Variants in TRAPPC9 observed in about 807,000 individuals in gnomAD.
The protein encoded by TRAPPC9 is IKK2 binding protein.
TRAPPC9 carries 83 observed loss-of-function variants against 124.0 expected under a neutral mutation model. The ratio of observed to expected loss-of-function variants is 0.67; its 90% CI spans 0.56 to 0.80. TRAPPC9 has a LOEUF of 0.80. TRAPPC9 is among the 30% of genes least tolerant of loss of function. The pLI is 0.00. For synonymous variants in TRAPPC9, 638 were observed against 617.5 expected, an observed-to-expected ratio of 1.03 and a Z score of -0.49; for missense variants, 1,302 against 1,508.3, an observed-to-expected ratio of 0.86 and a Z score of 2.27.
rs146743701 is a variant in TRAPPC9, at chr8:139,894,353, C to T, written c.2965-8384G>A. Among the ~76,000 whole-genome samples, 826 of 152,252 alleles carry T rather than the reference C, an allele frequency of 5.4e-3. 12 individuals carry two copies. The highest frequency in any genetic ancestry group is 0.019 in the African/African-American group (785 of 41,552). The stretch of plus-strand genomic sequence containing the variant: ...CAACGAGACCACTGGTCACCGCGCA[C>T]GACTGGGTGATCCTGGGGGGGTGCT... On this transcript the variant is annotated intron_variant, in intron 20 of 22. Coordinates refer to ENST00000438773, the MANE Select transcript of TRAPPC9 (RefSeq NM_001160372.4).
At chr8:140,249,555 C>G (rs113568192) in intron 16 of TRAPPC9, among the ~76,000 whole-genome samples, 46 of 150,420 alleles carry the variant, frequency 3.1e-4, no homozygotes, top group African/African-American at 1.1e-3. Context: ...ATTTTTTTTC[C>G]TTCACCCTAT....
At chr8:139,827,692 A>G (rs2130824090) in intron 21 of TRAPPC9, among the ~76,000 whole-genome samples, 1 of 152,346 alleles carries the variant, frequency 6.6e-6, no homozygotes, top group Non-Finnish European at 1.5e-5. Flanking sequence ...CAGCCAGGAC[A>G]GCAGCAAGAG....
intron 18 of TRAPPC9, among the ~76,000 whole-genome samples, chr8:139,997,259 A>T (rs1364408723): frequency 2.0e-5 from 3 of 152,052 alleles, no homozygotes; most frequent in Admixed American, 6.5e-5. Flanking sequence ...GAGACAATGC[A>T]ACCCTCACAG....
chr8:140,319,468 T>C (rs949578370), intron 9 of TRAPPC9, among the ~76,000 whole-genome samples: 6 of 142,882 alleles, frequency 4.2e-5, no homozygotes, highest in Non-Finnish European at 7.6e-5. Flanking sequence ...TGAGCCACCG[T>C]GCCCGGCCAA....
At chr8:139,922,312 T>C (rs1260190908) in intron 19 of TRAPPC9, among the ~76,000 whole-genome samples, 4 of 152,054 alleles carry the variant, frequency 2.6e-5, no homozygotes, top group African/African-American at 9.7e-5. Flanking sequence ...GCCTCCTGAG[T>C]AGCTGGGACT....
At chr8:140,170,490 C>T (rs1040383527) in intron 17 of TRAPPC9, among the ~76,000 whole-genome samples, 1 of 152,214 alleles carries the variant, frequency 6.6e-6, no homozygotes, top group Non-Finnish European at 1.5e-5. Flanking sequence ...GAATCTGACA[C>T]ATGCCAAGGG....
At chr8:139,957,284 C>T (rs1326555898) in intron 19 of TRAPPC9, among the ~76,000 whole-genome samples, 4 of 152,218 alleles carry the variant, frequency 2.6e-5, no homozygotes, top group Admixed American at 6.5e-5. Flanking sequence ...TTGGGGGACT[C>T]GGGCGACTGA....
At chr8:139,917,204 C>A (rs28681674) in intron 19 of TRAPPC9, among the ~76,000 whole-genome samples, 1 of 116,394 alleles carries the variant, frequency 8.6e-6, no homozygotes, top group Non-Finnish European at 1.6e-5. Flanking sequence ...GACGGAGTCT[C>A]GCTCTGTTGC....
At chr8:140,045,257 C>G (rs115000228) in intron 17 of TRAPPC9, among the ~76,000 whole-genome samples, 1 of 152,152 alleles carries the variant, frequency 6.6e-6, no homozygotes, top group African/African-American at 2.4e-5. Flanking sequence ...CTTGCGTACA[C>G]GAAGCGAGGA....
At chr8:140,414,004 A>G (rs2069808755) in intron 5 of TRAPPC9, among the ~76,000 whole-genome samples, 1 of 152,118 alleles carries the variant, frequency 6.6e-6, no homozygotes, top group Non-Finnish European at 1.5e-5. Flanking sequence ...AGCATGATTT[A>G]TAGTCCTTTG....
At chr8:139,947,082 G>C (rs886434882) in intron 19 of TRAPPC9, among the ~76,000 whole-genome samples, 1 of 152,102 alleles carries the variant, frequency 6.6e-6, no homozygotes, top group Non-Finnish European at 1.5e-5. Context: ...GAAATGAGTT[G>C]GTAATTAAAT....
chr8:140,291,003 A>G lies in TRAPPC9; in HGVS notation c.1844T>C (p.Val615Ala), dbSNP rs755362360. 1 of 1,614,146 alleles carries G rather than the reference A, an allele frequency of 6.2e-7. No individual in the cohort carries two copies. Among genetic ancestry groups the G allele is most frequent in the East Asian group, 2.2e-5 (1 of 44,870 alleles). Residue 615 changes from valine (V) to alanine (A), a missense_variant, in exon 12 of 23, where the codon GTT becomes GCT. Physicochemically the swap from Val to Ala is moderately conservative, Grantham distance 64. Coordinates refer to ENST00000438773, the MANE Select transcript of TRAPPC9 (RefSeq NM_001160372.4). ...VYNPMPFELR[V>A]ENMGLLTSGV... ...ATTGGTGATACATACCATGTTTTCA[A>G]CTCGAAGTTCAAACGGCATTGGGTT... is the stretch of plus-strand genomic sequence containing the variant.
chr8:140,095,881 T>G (rs1373723984), intron 17 of TRAPPC9: 1 of 151,996 alleles, frequency 6.6e-6, no homozygotes, highest in African/African-American at 2.4e-5. Flanking sequence ...CTCTCCGAGG[T>G]GCAGACAACG....
intron 19 of TRAPPC9, among the ~76,000 whole-genome samples, chr8:139,911,501 T>C (rs1831727207): frequency 6.6e-6 from 1 of 152,060 alleles, no homozygotes; most frequent in Admixed American, 6.5e-5. Flanking sequence ...GGTCAGGAGT[T>C]TGAGACCAGC....
At chr8:139,798,649 C>T (rs1257090751) in intron 21 of TRAPPC9, among the ~76,000 whole-genome samples, 3 of 152,168 alleles carry the variant, frequency 2.0e-5, no homozygotes, top group Admixed American at 6.5e-5. Context: ...AGCGTAAATA[C>T]GGTCCCCTGG....
intron 15 of TRAPPC9, among the ~76,000 whole-genome samples, chr8:140,272,123 A>AT (rs796799306): frequency 4.5e-4 from 63 of 141,168 alleles, no homozygotes; most frequent in African/African-American, 1.7e-3. Flanking sequence ...GGCAATGGTG[A>AT]TGGTGGCGAT....
Position 139,910,259 on chromosome 8 carries a change from G to T in TRAPPC9, c.2852C>A (p.Pro951Gln). The T allele has an allele frequency of 1.2e-6, 2 of 1,614,128 alleles. No homozygotes were observed. The highest frequency in any genetic ancestry group is 1.7e-6 in the Non-Finnish European group (2 of 1,180,036). ...TTGCCCCTTCTCCCCAGGGGACTCC[G>T]GGAAACTCTCAAAGTTGAACTTGTC... is the stretch of plus-strand genomic sequence containing the variant. ...QVDKFNFESF[P>Q]ESPGEKGQFA... is the part of the protein sequence containing the mutation. The change falls in exon 20 of 23, where the codon CCG becomes CAG. Residue 951 changes from proline (P) to glutamine (Q), a missense_variant. Pro to Gln is a moderately conservative substitution (Grantham distance 76, BLOSUM62 -1). Transcript: ENST00000438773.
chr8:140,382,345 G>C (rs888655756), intron 7 of TRAPPC9, among the ~76,000 whole-genome samples: 4 of 152,196 alleles, frequency 2.6e-5, no homozygotes, highest in African/African-American at 9.6e-5. Flanking sequence ...ATGAGGCATC[G>C]CCTCACCCAG....
intron 17 of TRAPPC9, chr8:140,100,438 G>A (rs1014848765): frequency 1.3e-5 from 2 of 152,250 alleles, no homozygotes; most frequent in Non-Finnish European, 2.9e-5. Context: ...GCTGTATGCA[G>A]GGTCGGGACA....
Sources: gnomAD v4.1 joint callset for allele counts (sites outside exome capture counted in the v4.1 genomes callset) on GRCh38, gnomAD v4.1.1 for gene constraint, MANE v1.5 for transcripts, NCBI Gene and HGNC (gene_info 2026-07-23, HGNC 2026-07-21) for gene names.